The following PDE1A variants were observed in gnomAD, a reference collection of about 807,000 sequenced individuals.
PDE1A encodes phosphodiesterase 1A.
In PDE1A, 35 loss-of-function variants were observed where a neutral mutation model predicts 61.7. The ratio of observed to expected loss-of-function variants is 0.57; its 90% CI spans 0.43 to 0.75. The LOEUF is 0.75. Ranked by LOEUF, PDE1A falls within the 30% of genes least tolerant of loss-of-function variation. The probability of loss-of-function intolerance (pLI) is 0.00; values close to 1 mark genes in which losing one functional copy is unlikely to be tolerated. For synonymous variants in PDE1A, 232 were observed against 213.2 expected, an observed-to-expected ratio of 1.09 and a Z score of -0.77; for missense variants, 597 against 630.6, an observed-to-expected ratio of 0.95 and a Z score of 0.57.
the PDE1A span, among the ~76,000 whole-genome samples, chr2:182,618,947 C>T: frequency 2.0e-4 from 31 of 151,726 alleles, no homozygotes; most frequent in Admixed American, 1.8e-3. Flanking sequence ...CCAGAATAAA[C>T]GACATAATCT....
At chr2:182,669,276 T>A in the PDE1A span, among the ~76,000 whole-genome samples, 5 of 152,184 alleles carry the variant, frequency 3.3e-5, no homozygotes, top group African/African-American at 1.2e-4. Context: ...CCATTTTGTT[T>A]GTTAGGTGTG....
chr2:182,536,836 G>A, the PDE1A span, among the ~76,000 whole-genome samples: 1 of 152,076 alleles, frequency 6.6e-6, no homozygotes, highest in Non-Finnish European at 1.5e-5. Context: ...CAGGACATTT[G>A]CCTTTGGAGC....
chr2:182,228,883 A>G (rs531861027), intron 6 of PDE1A, among the ~76,000 whole-genome samples: 3 of 152,292 alleles, frequency 2.0e-5, no homozygotes, highest in East Asian at 3.9e-4. Flanking sequence ...TCAGAAAGTT[A>G]CATTTATATT....
At chr2:182,271,847 C>T (rs1043335425) in intron 1 of PDE1A, among the ~76,000 whole-genome samples, 1 of 151,838 alleles carries the variant, frequency 6.6e-6, no homozygotes, top group African/African-American at 2.4e-5. Flanking sequence ...ATTAATATGA[C>T]TTAATAAACT....
the PDE1A span, among the ~76,000 whole-genome samples, chr2:182,716,648 C>T: frequency 6.6e-6 from 1 of 152,212 alleles, no homozygotes; most frequent in Non-Finnish European, 1.5e-5. Flanking sequence ...CTGTTATTCA[C>T]ACCACCCTTC....
chr2:182,460,274 C>T (rs963740009), intron 2 of PDE1A, among the ~76,000 whole-genome samples: 1 of 152,146 alleles, frequency 6.6e-6, no homozygotes, highest in East Asian at 1.9e-4. Context: ...GCAGCCTCTT[C>T]GGTGACAGGT....
chr2:182,309,874 C>T (rs1368427377), intron 1 of PDE1A, among the ~76,000 whole-genome samples: 1 of 151,788 alleles, frequency 6.6e-6, no homozygotes, highest in Non-Finnish European at 1.5e-5. Context: ...CCTTGGAACT[C>T]AATAAAATAG....
the PDE1A span, among the ~76,000 whole-genome samples, chr2:182,597,170 AT>A: frequency 0.026 from 3,647 of 142,084 alleles, 51 homozygotes; most frequent in African/African-American, 0.048. Context: ...AAAAAAAAAA[AT>A]TTTTTTTTTA....
At chr2:182,632,268 A>G in the PDE1A span, among the ~76,000 whole-genome samples, 1 of 152,180 alleles carries the variant, frequency 6.6e-6, no homozygotes, top group African/African-American at 2.4e-5. Flanking sequence ...TTAAGTTACG[A>G]GTATATTTTA....
intron 1 of PDE1A, among the ~76,000 whole-genome samples, chr2:182,264,878 C>CATACATATATATAT: frequency 9.4e-6 from 1 of 106,870 alleles, no homozygotes; most frequent in South Asian, 3.4e-4. Flanking sequence ...TATATATATA[C>CATACATATATATAT]ATATATATAT....
At chr2:182,558,591 C>A in the PDE1A span, among the ~76,000 whole-genome samples, 2 of 152,006 alleles carry the variant, frequency 1.3e-5, no homozygotes, top group South Asian at 4.1e-4. Context: ...TTCCTTTCAA[C>A]AAATATATAG....
intron 1 of PDE1A, among the ~76,000 whole-genome samples, chr2:182,396,347 G>A (rs1701705191): frequency 6.6e-6 from 1 of 152,240 alleles, no homozygotes; most frequent in African/African-American, 2.4e-5. Context: ...CTTGGAAGGA[G>A]AAATGGCCAG....
intron 1 of PDE1A, among the ~76,000 whole-genome samples, chr2:182,339,642 T>C (rs718448): frequency 0.64 from 97,117 of 152,042 alleles, 32,649 homozygotes; most frequent in Middle Eastern, 0.77. Context: ...ACTGCACTTC[T>C]AAATCTTGAA....
chr2:182,687,794 G>A, the PDE1A span, among the ~76,000 whole-genome samples: 16 of 152,200 alleles, frequency 1.1e-4, no homozygotes, highest in African/African-American at 2.9e-4. Context: ...AAGATTAGAC[G>A]AATGGCTAAC....
At chr2:182,188,552 C>T (rs865935973) in intron 11 of PDE1A, among the ~76,000 whole-genome samples, 5 of 152,104 alleles carry the variant, frequency 3.3e-5, no homozygotes, top group Non-Finnish European at 7.3e-5. Context: ...CACATCATGA[C>T]AGAATATTTT....
At chr2:182,446,557 T>G (rs543787956) in intron 2 of PDE1A, among the ~76,000 whole-genome samples, 3 of 152,126 alleles carry the variant, frequency 2.0e-5, no homozygotes, top group African/African-American at 4.8e-5. Flanking sequence ...AGGACAGATA[T>G]CTATTTGCTT....
the PDE1A span, among the ~76,000 whole-genome samples, chr2:182,569,254 A>AATATATATATATATATATATATATAT: frequency 5.2e-3 from 724 of 138,166 alleles, 8 homozygotes; most frequent in Non-Finnish European, 6.4e-3. Context: ...ACCTGTCTCA[A>AATATATATATATATATATATATATAT]ATATATATAT....
chr2:182,275,566 G>A (rs1003144406), intron 1 of PDE1A, among the ~76,000 whole-genome samples: 17 of 152,006 alleles, frequency 1.1e-4, no homozygotes, highest in African/African-American at 3.9e-4. Context: ...TCACATAAAG[G>A]CAAAGCCAAC....
At chr2:182,216,115 C>T (rs373681073) in intron 7 of PDE1A, among the ~76,000 whole-genome samples, 28 of 75,714 alleles carry the variant, frequency 3.7e-4, no homozygotes, top group Admixed American at 6.4e-4. Flanking sequence ...GTTCAATATA[C>T]GCAAATCAAT....
Sources: gnomAD v4.1 joint callset for allele counts (sites outside exome capture counted in the v4.1 genomes callset) on GRCh38, gnomAD v4.1.1 for gene constraint, MANE v1.5 for transcripts, NCBI Gene and HGNC (gene_info 2026-07-23, HGNC 2026-07-21) for gene names.